Variants in MTPAP observed in about 807,000 individuals in gnomAD.
The protein encoded by MTPAP is mitochondrial poly(A) polymerase.
A neutral mutation model predicts 48.7 loss-of-function variants in MTPAP; 23 were observed. That is an observed-to-expected ratio of 0.47 (90% CI 0.34 to 0.67). MTPAP has a LOEUF of 0.67. Ranked by LOEUF, MTPAP falls within the 30% of genes least tolerant of loss-of-function variation. The pLI, the probability that MTPAP is intolerant of heterozygous loss-of-function variation, is 0.01. For synonymous variants in MTPAP, 257 were observed against 254.1 expected, an observed-to-expected ratio of 1.01 and a Z score of -0.11; for missense variants, 614 against 694.3, an observed-to-expected ratio of 0.88 and a Z score of 1.30.
intron 5 of MTPAP, among the ~76,000 whole-genome samples, chr10:30,324,508 C>A (rs1182007112): frequency 6.6e-6 from 1 of 151,886 alleles, no homozygotes; most frequent in Non-Finnish European, 1.5e-5. Context: ...GAGCTATGAT[C>A]ACACTACTGC....
In MTPAP at chr10:30,336,883, C is replaced by T; in HGVS notation, c.700G>A (p.Val234Ile). Reference protein sequence around the residue: ...DCIVRPFGSSVNTFGKLGCDL... With the variant: ...DCIVRPFGSSINTFGKLGCDL... Reference sequence around the variant, plus strand: ...CATCCTAACTTCCCAAAAGTGTTGACTGAGGAGCCAAAGGGTCTGACTATG... The same window carrying T: ...CATCCTAACTTCCCAAAAGTGTTGATTGAGGAGCCAAAGGGTCTGACTATG... The change falls in exon 4 of 9, where the codon GTC becomes ATC. Residue 234 changes from valine to isoleucine, a missense_variant. By Grantham distance (29) the Val-to-Ile change is conservative. Around this residue, in one of 5 missense-constraint regions of MTPAP, gnomAD observed 261 missense variants for 355.4 expected, o/e 0.73. Coordinates refer to ENST00000263063, the MANE Select transcript of MTPAP (RefSeq NM_018109.4). The T allele has an allele frequency of 4.3e-6, 7 of 1,613,046 alleles. No homozygotes were observed. Among genetic ancestry groups the T allele is most frequent in the Non-Finnish European group, 4.2e-6 (5 of 1,180,016 alleles).
intron 1 of MTPAP, 161 bp downstream of exon 1, chr10:30,348,958 T>G: frequency 9.4e-7 from 1 of 1,063,486 alleles, no homozygotes; most frequent in South Asian, 1.5e-5. Flanking sequence ...GCGGCGACCC[T>G]GGGTTCCCCT....
At chr10:30,325,109 A>G (rs144828303) in intron 5 of MTPAP, among the ~76,000 whole-genome samples, 1 of 152,340 alleles carries the variant, frequency 6.6e-6, no homozygotes, top group East Asian at 1.9e-4. Context: ...AAAAAGTATA[A>G]GGTATCTTGA....
At position 30,313,430 on chromosome 10, in the gene MTPAP, C is replaced by T. The variant is rs1840621731; in HGVS notation, c.*179G>A. On this transcript the variant is annotated 3_prime_UTR_variant, in exon 9 of 9. Coordinates refer to ENST00000263063, the MANE Select transcript of MTPAP (RefSeq NM_018109.4). ...TAATAAAGTGCCACTGAGTATCAGA[C>T]TGATCAAACTGAAAACATCCCAGAA... 1.2e-6 allele frequency: 1 copy of T among 818,308 alleles called. No homozygotes were observed. Among genetic ancestry groups the T allele is most frequent in the Admixed American group, 2.2e-5 (1 of 45,108 alleles). The allele number at this position is 818,308 out of a possible 1,614,324, so 50.7% of individuals were successfully genotyped here.
Position 30,315,957 on chromosome 10 carries a change from AT to A in MTPAP, c.1386+5del. ...ACTAATAACTAAATAGTAAAACATT[AT>A]TTACCTGTCGAATATTTATGGAATT... On this transcript the variant is annotated splice_donor_5th_base_variant and intron_variant, in intron 8 of 8. Coordinates refer to ENST00000263063, the MANE Select transcript of MTPAP (RefSeq NM_018109.4). The A allele has an allele frequency of 6.3e-7, 1 of 1,582,174 alleles. No individual in the cohort carries two copies. The highest frequency in any genetic ancestry group is 2.2e-5 in the East Asian group (1 of 44,602).
chr10:30,340,580 G>C, intron 2 of MTPAP, 130 bp from the exon 3 acceptor site: 1 of 770,802 alleles, frequency 1.3e-6, no homozygotes, highest in South Asian at 1.5e-5. Context: ...CAAATGATAT[G>C]ATTCTAACAT....
Position 30,313,617 on chromosome 10 carries a change from G to C in MTPAP, c.1741C>G (p.Gln581Glu). 4 of 1,614,164 alleles carry C rather than the reference G, an allele frequency of 2.5e-6. No homozygotes were observed. The highest frequency in any genetic ancestry group is 2.2e-5 in the East Asian group (1 of 44,890). Residue 581 changes from glutamine to glutamate, a missense_variant, in exon 9 of 9, where the codon CAG becomes GAG. By Grantham distance (29) the Gln-to-Glu change is conservative. Coordinates refer to ENST00000263063, the MANE Select transcript of MTPAP (RefSeq NM_018109.4). ...ACACAATGTAGCAGCCATCATGTCT[G>C]AGTACTAATTGTTCTCTTCCCACTG... is the stretch of plus-strand genomic sequence containing the variant. ...KTSGKRTISTQT is the reference protein window; with the variant it reads ...KTSGKRTISTET
intron 4 of MTPAP, among the ~76,000 whole-genome samples, chr10:30,331,708 A>C (rs1456302195): frequency 6.6e-6 from 1 of 152,188 alleles, no homozygotes; most frequent in Non-Finnish European, 1.5e-5. Context: ...CTGGGATTAC[A>C]GGCACCCGCC....
chr10:30,327,485 C>T (rs955996308), intron 4 of MTPAP, among the ~76,000 whole-genome samples: 7 of 148,456 alleles, frequency 4.7e-5, no homozygotes, highest in African/African-American at 1.0e-4. Context: ...GGCAACTGAG[C>T]GAGACTCCAT....
Position 30,309,888 on chromosome 10 carries a change from T to A in MTPAP, c.*3721A>T, listed in dbSNP as rs908485765. 2 of 152,226 alleles carry A rather than the reference T, an allele frequency of 1.3e-5. No homozygotes were observed. Among genetic ancestry groups the A allele is most frequent in the African/African-American group, 4.8e-5 (2 of 41,464 alleles). 9.4% of individuals were successfully genotyped at this position (152,226 alleles called of 1,614,324 possible). A position where few individuals can be genotyped will look rare whatever the true frequency, so the allele number is the denominator to read the frequency against. ...ATTACACACAGTTTTCCTATAACGT[T>A]TCAGGCTAATCGTTATTTCCTAGAA... On this transcript the variant is annotated 3_prime_UTR_variant, in exon 9 of 9. Coordinates refer to ENST00000263063, the MANE Select transcript of MTPAP (RefSeq NM_018109.4).
chr10:30,338,687 A>C (rs1834760137), intron 3 of MTPAP, among the ~76,000 whole-genome samples: 1 of 152,130 alleles, frequency 6.6e-6, no homozygotes. Context: ...AAATAATAAT[A>C]ATAACAATAA....
intron 4 of MTPAP, among the ~76,000 whole-genome samples, chr10:30,335,156 GA>G (rs533676098): frequency 6.3e-4 from 96 of 152,268 alleles, no homozygotes; most frequent in African/African-American, 2.2e-3. Flanking sequence ...AAGATGTAAG[GA>G]AAGATACAGC....
At chr10:30,316,964 ATGAT>A (rs1212073328) in intron 6 of MTPAP, among the ~76,000 whole-genome samples, 2 of 152,198 alleles carry the variant, frequency 1.3e-5, no homozygotes, top group African/African-American at 2.4e-5. Context: ...GATTTTATAA[ATGAT>A]TGAATAATTA....
chr10:30,326,437 T>C lies in MTPAP; in HGVS notation c.979A>G (p.Thr327Ala). 1 of 1,613,958 alleles carries C rather than the reference T, an allele frequency of 6.2e-7. No homozygotes were observed. Among genetic ancestry groups the C allele is most frequent in the Non-Finnish European group, 8.5e-7 (1 of 1,179,850 alleles). ...HQASGFQCDL[T>A]TNNRIALTSS... ...AAGCGGTCATACCTATTGTTCGTAGTCAAATCACACTGAAATCCGGAGGCC... is the reference window on the plus strand; with the variant it reads ...AAGCGGTCATACCTATTGTTCGTAGCCAAATCACACTGAAATCCGGAGGCC... The change falls in exon 5 of 9, where the codon ACT becomes GCT. Residue 327 changes from threonine to alanine, a missense_variant. Thr to Ala is a moderately conservative substitution (Grantham distance 58). Coordinates refer to ENST00000263063, the MANE Select transcript of MTPAP (RefSeq NM_018109.4).
chr10:30,314,708 A>G (rs532228267), intron 8 of MTPAP, among the ~76,000 whole-genome samples: 1 of 152,054 alleles, frequency 6.6e-6, no homozygotes, highest in Non-Finnish European at 1.5e-5. Flanking sequence ...TCCCATCTCT[A>G]CTAAAAATAC....
chr10:30,343,571 CT>C (rs1005592112), intron 1 of MTPAP, among the ~76,000 whole-genome samples: 76 of 145,886 alleles, frequency 5.2e-4, no homozygotes, highest in East Asian at 8.0e-4. Context: ...TATCTTTTTT[CT>C]TTTTTTTTTT....
chr10:30,328,268 T>A (rs866036717), intron 4 of MTPAP, among the ~76,000 whole-genome samples: 6 of 152,344 alleles, frequency 3.9e-5, no homozygotes, highest in African/African-American at 1.2e-4. Context: ...AATGAGATTT[T>A]TTATTTTTCA....
chr10:30,336,848 G>A lies in MTPAP; in HGVS notation c.735C>T (p.Asp245=), dbSNP rs1280235068. 6.2e-7 allele frequency: 1 copy of A among 1,612,514 alleles called. No individual in the cohort carries two copies. Among genetic ancestry groups the A allele is most frequent in the South Asian group, 1.1e-5 (1 of 91,000 alleles). The change falls in exon 4 of 9, where the codon GAC becomes GAT. Residue 245 remains aspartate, a synonymous_variant. Transcript: ENST00000263063. ...NTFGKLGCDL[D]MFLDLDETRN... is the part of the protein sequence containing the mutation. ...TGGTTTCATCTAGATCCAAAAACAT[G>A]TCCAAATCACATCCTAACTTCCCAA...
intron 8 of MTPAP, 108 bp from the exon 9 acceptor site, chr10:30,314,079 T>C: frequency 8.1e-7 from 1 of 1,235,788 alleles, no homozygotes; most frequent in Non-Finnish European, 1.2e-6. Flanking sequence ...CAGCATTAAC[T>C]TTACATAGCA....
Sources: allele counts gnomAD v4.1 joint callset (sites outside exome capture counted in the v4.1 genomes callset), GRCh38; gene constraint gnomAD v4.1.1; regional missense constraint gnomAD v4.1.1; transcripts MANE v1.5; gene names NCBI Gene and HGNC (gene_info 2026-07-23, HGNC 2026-07-21).